The following NTM variants were observed in gnomAD, a reference collection of about 807,000 sequenced individuals.
The protein encoded by NTM is neurotrimin, also known as IgLON family member 2.
Under a neutral mutation model 42.1 loss-of-function variants are expected in NTM, and 13 were observed. The ratio of observed to expected loss-of-function variants is 0.31; its 90% CI spans 0.20 to 0.49. The LOEUF is 0.49. NTM is among the 20% of genes least tolerant of loss of function. The probability of loss-of-function intolerance (pLI) is 0.99; values close to 1 mark genes in which losing one functional copy is unlikely to be tolerated. For missense variants in NTM, 373 were observed against 452.8 expected (o/e 0.82, Z 1.60); for synonymous variants, 187 against 179.2 (o/e 1.04, Z -0.35).
At chr11:132,171,475 G>C (rs1433253175) in intron 3 of NTM, among the ~76,000 whole-genome samples, 1 of 152,144 alleles carries the variant, frequency 6.6e-6, no homozygotes, top group Non-Finnish European at 1.5e-5. Context: ...AGAGTGGTGA[G>C]GGGTCTCTTT....
intron 1 of NTM, chr11:131,770,922 T>A (rs2085972876): frequency 6.6e-6 from 1 of 152,244 alleles, no homozygotes; most frequent in Non-Finnish European, 1.5e-5. Flanking sequence ...GTGCTGTTGC[T>A]CTTTCTGCTG....
chr11:132,232,926 T>C (rs1484919614), intron 4 of NTM, among the ~76,000 whole-genome samples: 1 of 152,222 alleles, frequency 6.6e-6, no homozygotes, highest in Non-Finnish European at 1.5e-5. Flanking sequence ...TCATTTGTTC[T>C]CATTATCGTT....
chr11:132,094,831 G>T (rs1040364493), intron 2 of NTM, among the ~76,000 whole-genome samples: 11 of 152,124 alleles, frequency 7.2e-5, no homozygotes, highest in Non-Finnish European at 1.2e-4. Context: ...GTGCATCAGT[G>T]TGTATGTGTG....
At chr11:131,795,754 T>C (rs544727568) in intron 1 of NTM, 3 of 985,292 alleles carry the variant, frequency 3.0e-6, no homozygotes, top group South Asian at 9.4e-5. Flanking sequence ...GTTCAGGTCA[T>C]GATACTGCCT....
intron 2 of NTM, among the ~76,000 whole-genome samples, chr11:132,140,052 T>A (rs1160250760): frequency 6.6e-6 from 1 of 152,244 alleles, no homozygotes; most frequent in Non-Finnish European, 1.5e-5. Context: ...TTTACATGCA[T>A]GTTTCCATTT....
chr11:131,728,871 A>C (rs536472705), intron 1 of NTM, among the ~76,000 whole-genome samples: 35 of 152,342 alleles, frequency 2.3e-4, no homozygotes, highest in African/African-American at 8.4e-4. Flanking sequence ...ACCACCAGTC[A>C]ACTCATTAGT....
At chr11:131,559,379 A>G (rs577692736) in intron 1 of NTM, among the ~76,000 whole-genome samples, 52 of 152,344 alleles carry the variant, frequency 3.4e-4, no homozygotes, top group African/African-American at 1.3e-3. Context: ...TGGTAAAGTG[A>G]TTAACCAGCT....
rs191294310 is a variant in NTM at position 131,552,906 on chromosome 11, C to T, written c.82+182018C>T. ...CAGAGGTTGTGGTGTATTCATTCAACGGAACGTCAAACAGCATTGAAAATT... is the reference window on the plus strand; with the variant it reads ...CAGAGGTTGTGGTGTATTCATTCAATGGAACGTCAAACAGCATTGAAAATT... On this transcript the variant is annotated intron_variant, in intron 1 of 8. Transcript: ENST00000683400. Among the ~76,000 whole-genome samples the T allele has an allele frequency of 1.9e-3, 290 of 152,058 alleles. 1 individual carries two copies. Among genetic ancestry groups the T allele is most frequent in the African/African-American group, 5.5e-3 (228 of 41,488 alleles).
At chr11:131,725,751 A>C (rs546891912) in intron 1 of NTM, among the ~76,000 whole-genome samples, 1 of 152,274 alleles carries the variant, frequency 6.6e-6, no homozygotes, top group African/African-American at 2.4e-5. Context: ...ATGGGAACAC[A>C]CTGGATGGTG....
intron 1 of NTM, among the ~76,000 whole-genome samples, chr11:131,412,381 G>C (rs983623584): frequency 1.3e-5 from 2 of 152,172 alleles, no homozygotes; most frequent in African/African-American, 2.4e-5. Flanking sequence ...AAAGGAAGGA[G>C]CAAACTAAGG....
chr11:132,180,322 T>A (rs2077378248), intron 3 of NTM, among the ~76,000 whole-genome samples: 1 of 152,104 alleles, frequency 6.6e-6, no homozygotes, highest in Non-Finnish European at 1.5e-5. Context: ...TCATGTTAAG[T>A]CTAACATGAC....
intron 1 of NTM, among the ~76,000 whole-genome samples, chr11:131,739,269 T>C (rs2080876193): frequency 6.6e-6 from 1 of 152,002 alleles, no homozygotes; most frequent in Non-Finnish European, 1.5e-5. Flanking sequence ...TGGAATGAAA[T>C]AAACAAAAGA....
chr11:132,301,299 C>G (rs181215057), intron 4 of NTM, among the ~76,000 whole-genome samples: 3 of 152,094 alleles, frequency 2.0e-5, no homozygotes, highest in Non-Finnish European at 1.5e-5. Context: ...ATGGGGGAAA[C>G]CACTCCCATG....
At chr11:131,944,986 G>A (rs927734462) in intron 2 of NTM, among the ~76,000 whole-genome samples, 1 of 152,082 alleles carries the variant, frequency 6.6e-6, no homozygotes, top group African/African-American at 2.4e-5. Flanking sequence ...GATCTATTTG[G>A]GCTTCATGCC....
At chr11:131,789,616 G>GAAA (rs552548729) in intron 1 of NTM, among the ~76,000 whole-genome samples, 1 of 84,304 alleles carries the variant, frequency 1.2e-5, no homozygotes, top group Non-Finnish European at 2.3e-5. Flanking sequence ...AGAAGAAGAA[G>GAAA]AAGAAGAAGA....
chr11:131,768,543 C>CG (rs2135889349), intron 1 of NTM, among the ~76,000 whole-genome samples: 1 of 152,214 alleles, frequency 6.6e-6, no homozygotes, highest in South Asian at 2.1e-4. Flanking sequence ...AGGATCATTG[C>CG]GGAAACTGAG....
At chr11:131,980,163 T>A (rs1397717964) in intron 2 of NTM, among the ~76,000 whole-genome samples, 1 of 152,222 alleles carries the variant, frequency 6.6e-6, no homozygotes, top group Non-Finnish European at 1.5e-5. Flanking sequence ...CTATTTGAAT[T>A]CTTGATTTAC....
rs926421779 is a variant in NTM at position 131,952,689 on chromosome 11, G to T, written c.167+41041G>T. ...TGCATTTTTTTCAACTTAAAGACTGGCAGAAATCTAAAGCATTCAACTCAA... is the reference window on the plus strand; with the variant it reads ...TGCATTTTTTTCAACTTAAAGACTGTCAGAAATCTAAAGCATTCAACTCAA... On this transcript the variant is annotated intron_variant, in intron 2 of 8. Transcript: ENST00000683400. Among the ~76,000 whole-genome samples the T allele has an allele frequency of 5.3e-5, 8 of 152,006 alleles. No homozygotes were observed. In the South Asian group the frequency reaches 1.7e-3, roughly 32 times the overall value.
intron 1 of NTM, among the ~76,000 whole-genome samples, chr11:131,458,156 G>A (rs1951067580): frequency 6.6e-6 from 1 of 152,192 alleles, no homozygotes; most frequent in Non-Finnish European, 1.5e-5. Flanking sequence ...AGAGAAGGAA[G>A]AGCCTGGAGG....
Sources: allele counts gnomAD v4.1 joint callset (sites outside exome capture counted in the v4.1 genomes callset), GRCh38; gene constraint gnomAD v4.1.1; transcripts MANE v1.5; gene names NCBI Gene and HGNC (gene_info 2026-07-23, HGNC 2026-07-21).